NR3C2: variants seen among roughly 807,000 people sequenced by gnomAD.
NR3C2 encodes mineralocorticoid receptor.
In NR3C2, 15 loss-of-function variants were observed where a neutral mutation model predicts 86.4. The observed-to-expected ratio is 0.17, with a 90% CI of 0.12 to 0.27. The LOEUF is 0.27. Ranked by LOEUF, NR3C2 falls within the 10% of genes least tolerant of loss-of-function variation. NR3C2 has a pLI of 1.00. For synonymous variants in NR3C2, 458 were observed against 450.5 expected (o/e 1.02, Z -0.21); for missense variants, 960 against 1,195.6 (o/e 0.80, Z 2.91).
chr4:148,402,711 A>G (rs1257805780), intron 2 of NR3C2, among the ~76,000 whole-genome samples: 3 of 152,236 alleles, frequency 2.0e-5, no homozygotes, highest in Non-Finnish European at 2.9e-5. Flanking sequence ...AATGATAGGC[A>G]TTCAATAAAT....
chr4:148,221,039 G>A (rs975664069), intron 3 of NR3C2, among the ~76,000 whole-genome samples: 1 of 151,934 alleles, frequency 6.6e-6, no homozygotes, highest in African/African-American at 2.4e-5. Context: ...ATATCTGGGG[G>A]TGAGACCAAA....
intron 4 of NR3C2, among the ~76,000 whole-genome samples, chr4:148,182,964 C>A (rs1234595252): frequency 3.3e-5 from 5 of 152,170 alleles, no homozygotes; most frequent in Non-Finnish European, 7.4e-5. Context: ...TGCTATACCT[C>A]CCCCTCTGCC....
At chr4:148,336,960 T>A (rs1351138009) in intron 2 of NR3C2, among the ~76,000 whole-genome samples, 1 of 151,970 alleles carries the variant, frequency 6.6e-6, no homozygotes, top group Non-Finnish European at 1.5e-5. Flanking sequence ...CCTGACTAAT[T>A]TTTTTTACAT....
chr4:148,295,258 T>TA (rs1485594706), intron 2 of NR3C2, among the ~76,000 whole-genome samples: 1 of 151,994 alleles, frequency 6.6e-6, no homozygotes, highest in Non-Finnish European at 1.5e-5. Flanking sequence ...TATACTAATG[T>TA]AATAAGAAAA....
intron 2 of NR3C2, among the ~76,000 whole-genome samples, chr4:148,323,769 G>A (rs1054996633): frequency 2.0e-5 from 3 of 152,024 alleles, no homozygotes; most frequent in African/African-American, 4.8e-5. Flanking sequence ...ACTGACCTGT[G>A]CCCACTGTCT....
chr4:148,346,328 A>T (rs1453720553), intron 2 of NR3C2, among the ~76,000 whole-genome samples: 1 of 152,106 alleles, frequency 6.6e-6, no homozygotes, highest in Non-Finnish European at 1.5e-5. Context: ...GACATGGTCC[A>T]TGGAACTGGC....
chr4:148,209,744 C>T (rs1436858430), intron 3 of NR3C2, among the ~76,000 whole-genome samples: 1 of 152,206 alleles, frequency 6.6e-6, no homozygotes, highest in East Asian at 1.9e-4. Flanking sequence ...AGGGCTAGGA[C>T]GGTTGCTTCT....
intron 6 of NR3C2, among the ~76,000 whole-genome samples, chr4:148,123,799 TTC>T (rs1443766982): frequency 3.3e-5 from 5 of 152,258 alleles, no homozygotes; most frequent in African/African-American, 1.2e-4. Flanking sequence ...TAAATCTAGT[TTC>T]TCTCATACAC....
chr4:148,281,550 C>T (rs376615749), intron 2 of NR3C2, among the ~76,000 whole-genome samples: 2 of 152,212 alleles, frequency 1.3e-5, no homozygotes, highest in African/African-American at 2.4e-5. Context: ...CTTAAAGCTT[C>T]AAAAATCAGT....
At chr4:148,297,298 T>C (rs1034716648) in intron 2 of NR3C2, among the ~76,000 whole-genome samples, 1 of 152,266 alleles carries the variant, frequency 6.6e-6, no homozygotes, top group Non-Finnish European at 1.5e-5. Flanking sequence ...ATTGATATTG[T>C]ATTTATCAAA....
At chr4:148,082,218 C>G (rs941704280) in intron 8 of NR3C2, among the ~76,000 whole-genome samples, 1 of 152,200 alleles carries the variant, frequency 6.6e-6, no homozygotes, top group African/African-American at 2.4e-5. Context: ...GAACTTTTCT[C>G]AGCCCCTCCA....
At chr4:148,259,864 G>T in intron 3 of NR3C2, 114 bp downstream of exon 3, 1 of 1,368,380 alleles carries the variant, frequency 7.3e-7, no homozygotes, top group Non-Finnish European at 1.0e-6. Context: ...ATCACTGACA[G>T]ATTAAATCAA....
chr4:148,279,917 G>T (rs1003691845), intron 2 of NR3C2, among the ~76,000 whole-genome samples: 4 of 152,002 alleles, frequency 2.6e-5, no homozygotes, highest in African/African-American at 9.7e-5. Flanking sequence ...TAGAGACGGG[G>T]TTTCACCATG....
Position 148,154,525 on chromosome 4 carries a change from G to A in NR3C2, c.2365+26C>T, listed in dbSNP as rs1015565998. ...CCAGACTTGTTAAGTTCAGGATGCA[G>A]CCTGTGAAAGGAGAGGCAATCCTAC... On this transcript the variant is annotated intron_variant, in intron 5 of 8. Transcript: ENST00000358102. The A allele has an allele frequency of 2.5e-6, 4 of 1,606,054 alleles. No homozygotes were observed. In the African/African-American group the frequency reaches 5.4e-5, roughly 21 times the overall value.
At chr4:148,211,450 C>G (rs185924754) in intron 3 of NR3C2, among the ~76,000 whole-genome samples, 2 of 152,242 alleles carry the variant, frequency 1.3e-5, no homozygotes, top group East Asian at 3.9e-4. Flanking sequence ...TTTCTCTGCT[C>G]ACTGCAGTTC....
chr4:148,156,786 C>G (rs1378047129), intron 4 of NR3C2, among the ~76,000 whole-genome samples: 1 of 152,016 alleles, frequency 6.6e-6, no homozygotes, highest in Admixed American at 6.6e-5. Context: ...ACCATTTGAC[C>G]CAGCCATCCC....
chr4:148,398,498 A>C (rs1308647741), intron 2 of NR3C2, among the ~76,000 whole-genome samples: 1 of 152,242 alleles, frequency 6.6e-6, no homozygotes. Flanking sequence ...ATTTCTATAC[A>C]ATAATCTTGA....
intron 2 of NR3C2, among the ~76,000 whole-genome samples, chr4:148,408,243 G>A (rs1457014379): frequency 1.3e-5 from 2 of 152,044 alleles, no homozygotes; most frequent in African/African-American, 2.4e-5. Flanking sequence ...GTCACAGAGG[G>A]GCCAAGCCAG....
intron 3 of NR3C2, among the ~76,000 whole-genome samples, chr4:148,210,201 T>C (rs1276736740): frequency 6.6e-6 from 1 of 152,080 alleles, no homozygotes; most frequent in Non-Finnish European, 1.5e-5. Flanking sequence ...TTGTTTTTGT[T>C]TTTTTAAGAG....
Sources: allele counts gnomAD v4.1 joint callset (sites outside exome capture counted in the v4.1 genomes callset), GRCh38; gene constraint gnomAD v4.1.1; transcripts MANE v1.5; gene names NCBI Gene and HGNC (gene_info 2026-07-23, HGNC 2026-07-21).